Variants in CNTNAP5 observed in about 807,000 individuals in gnomAD.
CNTNAP5 encodes the protein contactin associated protein family member 5, also known as contactin-associated protein-like 5.
A neutral mutation model predicts 150.2 loss-of-function variants in CNTNAP5; 72 were observed. That is an observed-to-expected ratio of 0.48 (90% confidence interval 0.40 to 0.58). The LOEUF is 0.58. Among genes scored for constraint, CNTNAP5 ranks in the 20% least tolerant of loss-of-function variants. The pLI, the probability that CNTNAP5 is intolerant of heterozygous loss-of-function variation, is 0.00. For missense variants in CNTNAP5, 1,636 were observed against 1,626.2 expected, an observed-to-expected ratio of 1.01 and a Z score of -0.10; for synonymous variants, 672 against 619.8, an observed-to-expected ratio of 1.08 and a Z score of -1.25.
At chr2:124,566,501 G>A (rs915858915) in intron 11 of CNTNAP5, among the ~76,000 whole-genome samples, 3 of 152,164 alleles carry the variant, frequency 2.0e-5, no homozygotes, top group Admixed American at 6.5e-5. Context: ...CAAGCCTGAT[G>A]AGCAGGAGAC....
At chr2:124,771,569 A>G (rs935008632) in intron 16 of CNTNAP5, among the ~76,000 whole-genome samples, 1 of 152,102 alleles carries the variant, frequency 6.6e-6, no homozygotes, top group Non-Finnish European at 1.5e-5. Flanking sequence ...TTAAAATGAG[A>G]TAATCCATGG....
intron 12 of CNTNAP5, among the ~76,000 whole-genome samples, chr2:124,615,755 G>T (rs948778969): frequency 2.6e-5 from 4 of 152,118 alleles, no homozygotes; most frequent in African/African-American, 9.7e-5. Context: ...ACTATCTATG[G>T]CATTTGTAGA....
intron 4 of CNTNAP5, among the ~76,000 whole-genome samples, chr2:124,419,996 T>TC (rs1692058515): frequency 1.5e-5 from 1 of 67,482 alleles, no homozygotes; most frequent in Non-Finnish European, 3.0e-5. Flanking sequence ...TTCTTTTTTT[T>TC]TTTTTTTTTT....
chr2:124,613,899 CG>C (rs1396608756), intron 12 of CNTNAP5, among the ~76,000 whole-genome samples: 1 of 152,144 alleles, frequency 6.6e-6, no homozygotes, highest in African/African-American at 2.4e-5. Flanking sequence ...ACACTTTTGA[CG>C]GGGTGCCATC....
At chr2:124,097,785 T>C (rs982454099) in intron 1 of CNTNAP5, among the ~76,000 whole-genome samples, 1 of 152,158 alleles carries the variant, frequency 6.6e-6, no homozygotes, top group Non-Finnish European at 1.5e-5. Context: ...TCCCAGCACT[T>C]TGGGCGGCCG....
At chr2:124,044,916 A>ACACG (rs1553432205) in intron 1 of CNTNAP5, among the ~76,000 whole-genome samples, 7 of 149,668 alleles carry the variant, frequency 4.7e-5, no homozygotes, top group Non-Finnish European at 8.8e-5. Context: ...ACACACACAC[A>ACACG]CACACACACA....
chr2:124,128,189 A>G (rs1683759733), intron 1 of CNTNAP5, among the ~76,000 whole-genome samples: 1 of 152,240 alleles, frequency 6.6e-6, no homozygotes, highest in South Asian at 2.1e-4. Flanking sequence ...TCAAGAATCT[A>G]CAAAGAACTT....
At chr2:124,352,972 A>G (rs1689910180) in intron 3 of CNTNAP5, among the ~76,000 whole-genome samples, 1 of 152,176 alleles carries the variant, frequency 6.6e-6, no homozygotes, top group South Asian at 2.1e-4. Context: ...GGTGAAGCAG[A>G]ACTAGAGAAA....
At chr2:124,132,267 G>C (rs1402186700) in intron 1 of CNTNAP5, among the ~76,000 whole-genome samples, 1 of 152,126 alleles carries the variant, frequency 6.6e-6, no homozygotes, top group Non-Finnish European at 1.5e-5. Flanking sequence ...TCCTCATAGC[G>C]CTCACTGGTG....
At chr2:124,258,867 T>C (rs1687380378) in intron 3 of CNTNAP5, among the ~76,000 whole-genome samples, 1 of 152,054 alleles carries the variant, frequency 6.6e-6, no homozygotes, top group Non-Finnish European at 1.5e-5. Flanking sequence ...GTAATACTTT[T>C]TTTTTTTACT....
intron 1 of CNTNAP5, among the ~76,000 whole-genome samples, chr2:124,193,348 T>A (rs1454818563): frequency 6.6e-6 from 1 of 152,226 alleles, no homozygotes; most frequent in Admixed American, 6.5e-5. Flanking sequence ...ATTTATTATG[T>A]CCACTGTTTA....
intron 1 of CNTNAP5, among the ~76,000 whole-genome samples, chr2:124,057,912 T>C (rs1681899730): frequency 1.3e-5 from 2 of 152,108 alleles, no homozygotes; most frequent in African/African-American, 4.8e-5. Context: ...TTATGCACTA[T>C]ATGCTTGTAT....
intron 11 of CNTNAP5, among the ~76,000 whole-genome samples, chr2:124,578,186 C>T (rs979101827): frequency 7.4e-5 from 11 of 148,724 alleles, no homozygotes; most frequent in Admixed American, 1.3e-4. Flanking sequence ...AAAAATTAGC[C>T]GGGCATGGTG....
intron 2 of CNTNAP5, among the ~76,000 whole-genome samples, chr2:124,224,888 T>C (rs548451020): frequency 1.2e-4 from 19 of 152,296 alleles, no homozygotes; most frequent in Admixed American, 1.3e-4. Context: ...ACCAAACTTA[T>C]GTCCTGTCTA....
chr2:124,340,578 G>A (rs1689584620), intron 3 of CNTNAP5, among the ~76,000 whole-genome samples: 3 of 151,902 alleles, frequency 2.0e-5, no homozygotes, highest in African/African-American at 2.4e-5. Context: ...TGTGAATAAA[G>A]ATTGTACTAT....
chr2:124,361,440 T>C (rs1265113239), intron 3 of CNTNAP5, among the ~76,000 whole-genome samples: 3 of 143,696 alleles, frequency 2.1e-5, no homozygotes, highest in African/African-American at 7.8e-5. Context: ...CTTTGTGGTT[T>C]TATCTACTTT....
At chr2:124,306,637 A>G (rs775263398) in intron 3 of CNTNAP5, among the ~76,000 whole-genome samples, 1 of 150,644 alleles carries the variant, frequency 6.6e-6, no homozygotes, top group African/African-American at 2.4e-5. Flanking sequence ...CGAGAATGCT[A>G]TGGAACAATC....
intron 12 of CNTNAP5, among the ~76,000 whole-genome samples, chr2:124,644,381 G>A (rs1678161124): frequency 6.6e-6 from 1 of 152,152 alleles, no homozygotes; most frequent in South Asian, 2.1e-4. Flanking sequence ...AAGATAGGAA[G>A]CGAGGAAAAA....
chr2:124,366,811 C>A (rs1690383905), intron 3 of CNTNAP5, among the ~76,000 whole-genome samples: 1 of 152,100 alleles, frequency 6.6e-6, no homozygotes, highest in African/African-American at 2.4e-5. Context: ...AGTCTTATCC[C>A]AGCCTCGCTC....
Sources: gnomAD v4.1 joint callset for allele counts (sites outside exome capture counted in the v4.1 genomes callset) on GRCh38, gnomAD v4.1.1 for gene constraint, MANE v1.5 for transcripts, NCBI Gene and HGNC (gene_info 2026-07-23, HGNC 2026-07-21) for gene names.